NELL1: variants seen among roughly 807,000 people sequenced by gnomAD.
The protein encoded by NELL1 is protein kinase C-binding protein NELL1.
NELL1 carries 76 observed loss-of-function variants against 107.4 expected under a neutral mutation model. The ratio of observed to expected loss-of-function variants is 0.71; its 90% CI spans 0.59 to 0.86. The LOEUF (loss-of-function observed/expected upper bound fraction) is 0.86. NELL1 is among the 40% of genes least tolerant of loss of function. NELL1 has a pLI of 0.00. For synonymous variants in NELL1, 353 were observed against 341.2 expected, an observed-to-expected ratio of 1.03 and a Z score of -0.38; for missense variants, 1,024 against 1,005.5, an observed-to-expected ratio of 1.02 and a Z score of -0.25.
chr11:21,240,639 C>T (rs1005254021), intron 14 of NELL1, among the ~76,000 whole-genome samples: 1 of 151,796 alleles, frequency 6.6e-6, no homozygotes, highest in South Asian at 2.1e-4. Flanking sequence ...AAGATTGGGG[C>T]AAGGCAAAGG....
In NELL1 at chr11:21,099,192, A is replaced by AACACAC. The variant is rs59848133; in HGVS notation, c.1301-14361_1301-14356dup. On this transcript the variant is annotated intron_variant, in intron 12 of 19. Transcript: ENST00000357134. ...AATTTATTGGAAAAAGACACTGAAC[A>AACACAC]ACACACACACACACACACACACACA... Among the ~76,000 whole-genome samples the AACACAC allele has an allele frequency of 6.1e-4, 86 of 141,956 alleles. 1 individual carries two copies. The highest frequency in any genetic ancestry group is 7.3e-3 in the Middle Eastern group (2 of 274). 93.1% of individuals were successfully genotyped at this position (141,956 alleles called of 152,430 possible).
chr11:21,375,596 A>G (rs576821752), intron 15 of NELL1, among the ~76,000 whole-genome samples: 1 of 152,190 alleles, frequency 6.6e-6, no homozygotes, highest in Non-Finnish European at 1.5e-5. Flanking sequence ...TGGATCAAAT[A>G]GTAGTTTTAA....
intron 15 of NELL1, among the ~76,000 whole-genome samples, chr11:21,478,714 T>G (rs1331692574): frequency 1.3e-5 from 2 of 151,258 alleles, no homozygotes; most frequent in Admixed American, 1.3e-4. Flanking sequence ...AAAGGACTTT[T>G]GCACAGCAAA....
At chr11:20,828,635 G>A (rs1212939038) in intron 3 of NELL1, among the ~76,000 whole-genome samples, 1 of 152,148 alleles carries the variant, frequency 6.6e-6, no homozygotes, top group Non-Finnish European at 1.5e-5. Flanking sequence ...ACTTCTGCCT[G>A]CCTTCTGGCC....
intron 2 of NELL1, among the ~76,000 whole-genome samples, chr11:20,694,445 T>C (rs1029130306): frequency 1.3e-5 from 2 of 152,062 alleles, no homozygotes; most frequent in Admixed American, 1.3e-4. Flanking sequence ...TTTTTGCATA[T>C]AGTGAGAGAC....
At chr11:21,171,823 C>A (rs1856612978) in intron 13 of NELL1, among the ~76,000 whole-genome samples, 1 of 151,858 alleles carries the variant, frequency 6.6e-6, no homozygotes, top group African/African-American at 2.4e-5. Context: ...CTCCCTTAGT[C>A]TCTTCTCCCA....
intron 14 of NELL1, among the ~76,000 whole-genome samples, chr11:21,340,119 G>T (rs1590851774): frequency 6.6e-6 from 1 of 152,056 alleles, no homozygotes; most frequent in African/African-American, 2.4e-5. Context: ...CATACACAAG[G>T]TTATTATTTT....
chr11:21,339,073 T>G (rs1440923709), intron 14 of NELL1, among the ~76,000 whole-genome samples: 1 of 152,216 alleles, frequency 6.6e-6, no homozygotes, highest in Non-Finnish European at 1.5e-5. Context: ...TAATCCCCAC[T>G]GTTCTGGGCT....
chr11:21,032,037 T>A (rs1852971363), intron 12 of NELL1, among the ~76,000 whole-genome samples: 2 of 146,688 alleles, frequency 1.4e-5, no homozygotes, highest in Non-Finnish European at 3.0e-5. Flanking sequence ...AGAGTGAGAC[T>A]CCATGTCAAA....
chr11:20,795,019 A>G (rs1857143269), intron 3 of NELL1, among the ~76,000 whole-genome samples: 1 of 152,178 alleles, frequency 6.6e-6, no homozygotes. Context: ...ACTGTTTCCA[A>G]TCTCTGCTAG....
intron 15 of NELL1, among the ~76,000 whole-genome samples, chr11:21,390,009 A>G (rs2133781171): frequency 6.6e-6 from 1 of 151,972 alleles, no homozygotes; most frequent in African/African-American, 2.4e-5. Flanking sequence ...ATACCCATTT[A>G]TATTCCTAAT....
At chr11:20,971,300 T>G (rs1851496812) in intron 12 of NELL1, among the ~76,000 whole-genome samples, 1 of 152,090 alleles carries the variant, frequency 6.6e-6, no homozygotes, top group African/African-American at 2.4e-5. Context: ...TATGCATAAA[T>G]TATGTTATTT....
chr11:21,087,529 A>G (rs1328126188), intron 12 of NELL1, among the ~76,000 whole-genome samples: 1 of 152,206 alleles, frequency 6.6e-6, no homozygotes, highest in African/African-American at 2.4e-5. Flanking sequence ...TTATTATGTT[A>G]AGGCCAGTAA....
intron 13 of NELL1, among the ~76,000 whole-genome samples, chr11:21,207,420 C>G (rs958435836): frequency 6.6e-6 from 1 of 152,124 alleles, no homozygotes; most frequent in East Asian, 1.9e-4. Context: ...ATTCCTAAGG[C>G]ACATAGAGGA....
intron 18 of NELL1, among the ~76,000 whole-genome samples, chr11:21,572,686 T>A (rs1591047473): frequency 6.6e-6 from 1 of 151,888 alleles, no homozygotes; most frequent in Non-Finnish European, 1.5e-5. Flanking sequence ...TATCTTGACA[T>A]TGCCCAATCT....
intron 13 of NELL1, among the ~76,000 whole-genome samples, chr11:21,194,007 A>T (rs1857099616): frequency 1.3e-5 from 2 of 151,878 alleles, no homozygotes; most frequent in Admixed American, 1.3e-4. Flanking sequence ...CTGTTGAGCC[A>T]GATAATGATT....
At chr11:20,699,794 C>A (rs1914980) in intron 2 of NELL1, among the ~76,000 whole-genome samples, 29,604 of 152,098 alleles carry the variant, frequency 0.19, 3,185 homozygotes, top group African/African-American at 0.25. Flanking sequence ...TGGGTAGATA[C>A]CCAATAGTGG....
intron 15 of NELL1, among the ~76,000 whole-genome samples, chr11:21,468,386 A>AT (rs1282339105): frequency 6.6e-6 from 1 of 151,740 alleles, no homozygotes; most frequent in Non-Finnish European, 1.5e-5. Context: ...TTCTTGTGCG[A>AT]TTGTTTTCTG....
intron 7 of NELL1, among the ~76,000 whole-genome samples, chr11:20,924,119 T>A (rs1192332383): frequency 6.6e-6 from 1 of 152,188 alleles, no homozygotes; most frequent in Non-Finnish European, 1.5e-5. Flanking sequence ...TTAGAGAAAG[T>A]GTCAGGTAGT....
Sources: gnomAD v4.1 joint callset for allele counts (sites outside exome capture counted in the v4.1 genomes callset) on GRCh38, gnomAD v4.1.1 for gene constraint, MANE v1.5 for transcripts, NCBI Gene and HGNC (gene_info 2026-07-23, HGNC 2026-07-21) for gene names.